Variants in GALNTL6 observed in about 807,000 individuals in gnomAD.
GALNTL6 encodes the protein polypeptide N-acetylgalactosaminyltransferase-like 6.
A neutral mutation model predicts 73.7 loss-of-function variants in GALNTL6; 46 were observed. The ratio of observed to expected loss-of-function variants is 0.62; its 90% CI spans 0.49 to 0.80. GALNTL6 has a LOEUF of 0.80. Ranked by LOEUF, GALNTL6 falls within the 30% of genes least tolerant of loss-of-function variation. The probability of loss-of-function intolerance (pLI) is 0.00; values close to 1 mark genes in which losing one functional copy is unlikely to be tolerated. For missense variants in GALNTL6, 604 were observed against 755.0 expected (o/e 0.80, Z 2.34); for synonymous variants, 259 against 263.7 (o/e 0.98, Z 0.17).
chr4:172,820,130 C>T (rs2111019815), intron 7 of GALNTL6, among the ~76,000 whole-genome samples: 1 of 152,322 alleles, frequency 6.6e-6, no homozygotes, highest in East Asian at 1.9e-4. Context: ...AAGATCAAGC[C>T]TCTGTTCATA....
At chr4:172,497,029 T>C (rs547097507) in intron 5 of GALNTL6, among the ~76,000 whole-genome samples, 49 of 152,318 alleles carry the variant, frequency 3.2e-4, no homozygotes, top group African/African-American at 9.9e-4. Flanking sequence ...TAAAAGATAA[T>C]AGCTAAGCTA....
At chr4:172,739,166 GGTTGGA>G (rs2111412932) in intron 5 of GALNTL6, among the ~76,000 whole-genome samples, 1 of 152,250 alleles carries the variant, frequency 6.6e-6, no homozygotes, top group East Asian at 1.9e-4. Flanking sequence ...CCATTTAGAT[GGTTGGA>G]GGGCCTTAGA....
rs192399376 is a variant in GALNTL6, at chr4:172,726,527, G to T, written c.554-82834G>T. 2.9e-4 allele frequency among the ~76,000 whole-genome samples: 44 copies of T among 152,240 alleles called. No homozygotes were observed. In the East Asian group the frequency reaches 7.3e-3, roughly 25 times the overall value. On this transcript the variant is annotated intron_variant, in intron 5 of 12. Transcript: ENST00000506823. ...CTCAGATCTTCCAAGAGAGTTTTTG[G>T]CTATTACTATAACTATCTTAATATT...
chr4:172,063,070 C>T lies in GALNTL6; in HGVS notation c.139-166586C>T, dbSNP rs866466365. Among the ~76,000 whole-genome samples, 10 of 152,278 alleles carry T rather than the reference C, an allele frequency of 6.6e-5. 1 individual carries two copies. The highest frequency in any genetic ancestry group is 6.2e-4 in the South Asian group (3 of 4,820). The stretch of plus-strand genomic sequence containing the variant: ...GGCACCAGAGTAAGTCTAAGAAGTT[C>T]TTGAGCGGCCAAAATTTCATCTCAT... On this transcript the variant is annotated intron_variant, in intron 2 of 12. Coordinates refer to ENST00000506823, the MANE Select transcript of GALNTL6 (RefSeq NM_001034845.3).
chr4:172,880,489 C>A (rs1009293617), intron 7 of GALNTL6, among the ~76,000 whole-genome samples: 1 of 152,034 alleles, frequency 6.6e-6, no homozygotes, highest in African/African-American at 2.4e-5. Flanking sequence ...GCAGATCAGT[C>A]ATTGCCTGTT....
chr4:171,943,659 C>G (rs1458106135), intron 2 of GALNTL6, among the ~76,000 whole-genome samples: 1 of 152,150 alleles, frequency 6.6e-6, no homozygotes, highest in Non-Finnish European at 1.5e-5. Flanking sequence ...TTGATTTCAT[C>G]TGAATCCCCT....
chr4:172,933,572 C>T (rs931261794), intron 9 of GALNTL6, among the ~76,000 whole-genome samples: 15 of 151,582 alleles, frequency 9.9e-5, no homozygotes, highest in African/African-American at 3.6e-4. Context: ...TTTTTCTAAA[C>T]TGCTAGAGCA....
intron 2 of GALNTL6, among the ~76,000 whole-genome samples, chr4:171,926,949 A>G (rs1350362611): frequency 6.6e-6 from 1 of 151,968 alleles, no homozygotes; most frequent in Non-Finnish European, 1.5e-5. Flanking sequence ...TCCGCCCTTA[A>G]AGATCTCCTT....
intron 5 of GALNTL6, among the ~76,000 whole-genome samples, chr4:172,655,941 G>C (rs1730979955): frequency 6.6e-6 from 1 of 152,140 alleles, no homozygotes; most frequent in African/African-American, 2.4e-5. Flanking sequence ...AACCATTGCT[G>C]ATTTTACTGT....
chr4:172,021,529 A>G (rs1356106763), intron 2 of GALNTL6, among the ~76,000 whole-genome samples: 14 of 152,066 alleles, frequency 9.2e-5, no homozygotes, highest in Admixed American at 8.5e-4. Context: ...AAAGCAATCT[A>G]CAGATTCAAA....
At chr4:171,936,058 CA>C (rs1328818995) in intron 2 of GALNTL6, among the ~76,000 whole-genome samples, 2 of 152,082 alleles carry the variant, frequency 1.3e-5, no homozygotes, top group Non-Finnish European at 2.9e-5. Flanking sequence ...AAAACTTAGA[CA>C]AAAAATTATT....
chr4:172,380,336 GT>G, intron 5 of GALNTL6: 1 of 718,670 alleles, frequency 1.4e-6, no homozygotes, highest in East Asian at 2.8e-5. Context: ...AAGTTTAAAA[GT>G]CCCTCCCTCA....
intron 2 of GALNTL6, among the ~76,000 whole-genome samples, chr4:172,139,512 G>C (rs1234307040): frequency 6.6e-6 from 1 of 152,078 alleles, no homozygotes; most frequent in Non-Finnish European, 1.5e-5. Context: ...CCCTAAACTG[G>C]GGTATTAATG....
intron 2 of GALNTL6, among the ~76,000 whole-genome samples, chr4:172,016,637 T>A (rs552197442): frequency 1.8e-4 from 27 of 152,204 alleles, no homozygotes; most frequent in Middle Eastern, 3.4e-3. Flanking sequence ...TGGGGGTTGT[T>A]ATAGAACCCC....
intron 5 of GALNTL6, among the ~76,000 whole-genome samples, chr4:172,771,755 A>C (rs1024837119): frequency 1.3e-5 from 2 of 152,200 alleles, no homozygotes; most frequent in African/African-American, 4.8e-5. Context: ...ATAGATGTCT[A>C]TGGGTTAAGT....
chr4:172,625,247 T>A (rs945623532), intron 5 of GALNTL6, among the ~76,000 whole-genome samples: 1 of 152,040 alleles, frequency 6.6e-6, no homozygotes, highest in African/African-American at 2.4e-5. Context: ...GTTCCCATCT[T>A]TATGTCCGTA....
At chr4:172,620,531 T>A (rs1294616520) in intron 5 of GALNTL6, among the ~76,000 whole-genome samples, 2 of 152,182 alleles carry the variant, frequency 1.3e-5, no homozygotes, top group Non-Finnish European at 2.9e-5. Flanking sequence ...ACAAATACAC[T>A]CTTATATACA....
intron 5 of GALNTL6, among the ~76,000 whole-genome samples, chr4:172,797,648 C>T (rs146683237): frequency 3.3e-5 from 5 of 152,252 alleles, no homozygotes; most frequent in Non-Finnish European, 5.9e-5. Context: ...TTCAGATTCT[C>T]ATGTCTCAGC....
At chr4:172,100,605 A>T (rs1732483070) in intron 2 of GALNTL6, among the ~76,000 whole-genome samples, 1 of 152,212 alleles carries the variant, frequency 6.6e-6, no homozygotes, top group African/African-American at 2.4e-5. Context: ...GCTATAATTA[A>T]TTGAATGTTT....
Sources: allele counts gnomAD v4.1 joint callset (sites outside exome capture counted in the v4.1 genomes callset), GRCh38; gene constraint gnomAD v4.1.1; transcripts MANE v1.5; gene names NCBI Gene and HGNC (gene_info 2026-07-23, HGNC 2026-07-21).